Variants in RANBP2 observed in about 807,000 individuals in gnomAD.
RANBP2 encodes E3 SUMO-protein ligase RanBP2.
RANBP2 carries 57 observed loss-of-function variants against 303.6 expected under a neutral mutation model. The ratio of observed to expected loss-of-function variants is 0.19; its 90% CI spans 0.15 to 0.23. RANBP2 has a LOEUF of 0.23. Ranked by LOEUF, RANBP2 falls within the 10% of genes least tolerant of loss-of-function variation. RANBP2 has a pLI of 1.00. For missense variants in RANBP2, 3,138 were observed against 3,780.8 expected, an observed-to-expected ratio of 0.83 and a Z score of 4.46; for synonymous variants, 1,167 against 1,301.5, an observed-to-expected ratio of 0.90 and a Z score of 2.23.
At chr2:108,737,551 CTTT>C (rs61550954) in intron 6 of RANBP2, among the ~76,000 whole-genome samples, 1 of 119,506 alleles carries the variant, frequency 8.4e-6, no homozygotes, top group African/African-American at 3.2e-5. Flanking sequence ...GTCTCAAGCT[CTTT>C]TTTTTTTTTT....
At chr2:109,715,554 C>G in the RANBP2 span, among the ~76,000 whole-genome samples, 1 of 152,146 alleles carries the variant, frequency 6.6e-6, no homozygotes, top group South Asian at 2.1e-4. Flanking sequence ...GCTTCCCTGC[C>G]CTCTCCTGGA....
At chr2:109,001,816 C>T in the RANBP2 span, among the ~76,000 whole-genome samples, 22 of 152,080 alleles carry the variant, frequency 1.4e-4, no homozygotes, top group African/African-American at 4.8e-4. Context: ...CTGCAAGCTC[C>T]GCCTCCTGGG....
the RANBP2 span, among the ~76,000 whole-genome samples, chr2:109,527,022 T>C: frequency 6.6e-6 from 1 of 152,174 alleles, no homozygotes; most frequent in African/African-American, 2.4e-5. Context: ...ACTTGACAAA[T>C]TGTGCTTGAC....
At chr2:109,524,221 G>T in the RANBP2 span, among the ~76,000 whole-genome samples, 1 of 151,466 alleles carries the variant, frequency 6.6e-6, no homozygotes, top group Non-Finnish European at 1.5e-5. Context: ...TTGTCCAAAG[G>T]CTCTAGCTGG....
chr2:109,144,733 T>G, the RANBP2 span, among the ~76,000 whole-genome samples: 1 of 152,218 alleles, frequency 6.6e-6, no homozygotes, highest in Non-Finnish European at 1.5e-5. Flanking sequence ...CAGCTGGTGA[T>G]GCATGCCTGG....
chr2:109,328,575 T>G, the RANBP2 span, among the ~76,000 whole-genome samples: 18 of 152,358 alleles, frequency 1.2e-4, no homozygotes, highest in Middle Eastern at 6.8e-3. Flanking sequence ...GACAGTGCAT[T>G]CAGAATCATC....
chr2:109,647,353 G>A, the RANBP2 span, among the ~76,000 whole-genome samples: 1 of 151,660 alleles, frequency 6.6e-6, no homozygotes, highest in African/African-American at 2.4e-5. Context: ...TAGTAGAGAC[G>A]GGGTTTCACC....
At chr2:109,563,938 T>C in the RANBP2 span, among the ~76,000 whole-genome samples, 16 of 152,290 alleles carry the variant, frequency 1.1e-4, no homozygotes, top group Admixed American at 5.2e-4. Context: ...CTGGGCAACA[T>C]AGTAAGACCC....
chr2:108,845,989 A>C, the RANBP2 span, among the ~76,000 whole-genome samples: 1 of 152,162 alleles, frequency 6.6e-6, no homozygotes, highest in Non-Finnish European at 1.5e-5. Flanking sequence ...CATGAGAATT[A>C]TCTATGATTC....
At chr2:109,144,201 A>G in the RANBP2 span, among the ~76,000 whole-genome samples, 1 of 152,262 alleles carries the variant, frequency 6.6e-6, no homozygotes, top group African/African-American at 2.4e-5. Flanking sequence ...AAGTATTTTC[A>G]TGACACCACG....
At chr2:108,966,713 A>C in the RANBP2 span, among the ~76,000 whole-genome samples, 69 of 152,188 alleles carry the variant, frequency 4.5e-4, no homozygotes, top group Non-Finnish European at 9.0e-4. Flanking sequence ...GCCTGTAGAG[A>C]AGGGCTTCCC....
chr2:109,573,548 G>A, the RANBP2 span, among the ~76,000 whole-genome samples: 2 of 152,108 alleles, frequency 1.3e-5, no homozygotes, highest in African/African-American at 4.8e-5. Context: ...AAAGTAAATC[G>A]ACCGATGTGC....
At chr2:109,581,182 G>A in the RANBP2 span, among the ~76,000 whole-genome samples, 1 of 152,202 alleles carries the variant, frequency 6.6e-6, no homozygotes, top group Non-Finnish European at 1.5e-5. Flanking sequence ...GCTCACGCCT[G>A]TAATCCCAGC....
At chr2:109,016,395 GTAT>G in the RANBP2 span, among the ~76,000 whole-genome samples, 1 of 152,072 alleles carries the variant, frequency 6.6e-6, no homozygotes, top group Non-Finnish European at 1.5e-5. Context: ...TGGATAGGTG[GTAT>G]TATTGTTACC....
the RANBP2 span, chr2:109,501,553 T>A: frequency 1.3e-6 from 1 of 779,796 alleles, no homozygotes; most frequent in Non-Finnish European, 2.4e-6. Flanking sequence ...GAGATCGAGC[T>A]GAAGGAAGGC....
At chr2:109,631,743 C>G in the RANBP2 span, among the ~76,000 whole-genome samples, 1 of 151,208 alleles carries the variant, frequency 6.6e-6, no homozygotes, top group African/African-American at 2.4e-5. Flanking sequence ...GTAACAAGAG[C>G]GAAACTCAGT....
chr2:109,493,155 A>C, the RANBP2 span, among the ~76,000 whole-genome samples: 1 of 150,256 alleles, frequency 6.7e-6, no homozygotes, highest in East Asian at 2.0e-4. Flanking sequence ...CATACAAAAC[A>C]CATACACCAC....
At chr2:109,396,814 G>A in the RANBP2 span, among the ~76,000 whole-genome samples, 2 of 152,368 alleles carry the variant, frequency 1.3e-5, no homozygotes, top group South Asian at 2.1e-4. Flanking sequence ...GCCACAGAGC[G>A]GGCGTGACTC....
the RANBP2 span, among the ~76,000 whole-genome samples, chr2:108,844,868 C>T: frequency 2.6e-5 from 4 of 151,966 alleles, no homozygotes; most frequent in African/African-American, 4.8e-5. Context: ...CTGCCTCACC[C>T]TCCTGAATAG....
Sources: allele counts gnomAD v4.1 joint callset (sites outside exome capture counted in the v4.1 genomes callset), GRCh38; gene constraint gnomAD v4.1.1; transcripts MANE v1.5; gene names NCBI Gene and HGNC (gene_info 2026-07-23, HGNC 2026-07-21).